CREBL2: variants seen among roughly 807,000 people sequenced by gnomAD.
CREBL2 encodes the protein cAMP responsive element binding protein like 2, also known as cAMP-responsive element-binding protein-like 2.
CREBL2 carries 4 observed loss-of-function variants against 19.5 expected under a neutral mutation model. The observed-to-expected ratio is 0.20, with a 90% CI of 0.10 to 0.47. The LOEUF is 0.47. Among genes scored for constraint, CREBL2 ranks in the 20% least tolerant of loss-of-function variants. CREBL2 has a pLI of 0.98. For missense variants in CREBL2, 85 were observed against 145.1 expected (o/e 0.59, Z 2.13); for synonymous variants, 42 against 46.6 (o/e 0.90, Z 0.40).
At chr12:12,634,412 A>G in intron 1 of CREBL2, among the ~76,000 whole-genome samples, 1 of 152,198 alleles carries the variant, frequency 6.6e-6, no homozygotes, top group East Asian at 1.9e-4. Context: ...CATCAGTGGG[A>G]GCAGGGAGAA....
chr12:12,624,162 G>A (rs1945382459), intron 1 of CREBL2, among the ~76,000 whole-genome samples: 1 of 152,212 alleles, frequency 6.6e-6, no homozygotes, highest in African/African-American at 2.4e-5. Flanking sequence ...AGTAAGTAGT[G>A]CTGAGCCAGA....
In CREBL2 at chr12:12,642,122, C is replaced by G; in HGVS notation, c.*124C>G. On this transcript the variant is annotated 3_prime_UTR_variant, in exon 4 of 4. Coordinates refer to ENST00000228865, the MANE Select transcript of CREBL2 (RefSeq NM_001310.4). ...CTGCTCAGTAGTCATCTCTGTAAAT[C>G]TGCAATTTCTACCAAAATGTGTGAT... The G allele has an allele frequency of 1.7e-6, 1 of 572,034 alleles. No homozygotes were observed. Among genetic ancestry groups the G allele is most frequent in the East Asian group, 3.2e-5 (1 of 31,592 alleles). The allele number at this position is 572,034 out of a possible 1,614,324, so 35.4% of individuals were successfully genotyped here.
At position 12,643,492 on chromosome 12, in the gene CREBL2, A is replaced by G. The variant is rs1945541589; in HGVS notation, c.*1494A>G. 1.3e-5 allele frequency: 2 copies of G among 152,590 alleles called. No homozygotes were observed. The highest frequency in any genetic ancestry group is 4.8e-5 in the African/African-American group (2 of 41,458). 9.5% of individuals were successfully genotyped at this position (152,590 alleles called of 1,614,324 possible). A position where few individuals can be genotyped will look rare whatever the true frequency, so the allele number is the denominator to read the frequency against. On this transcript the variant is annotated 3_prime_UTR_variant, in exon 4 of 4. Coordinates refer to ENST00000228865, the MANE Select transcript of CREBL2 (RefSeq NM_001310.4). ...TATTTTGTTCTGAACTGGCAGTTTA[A>G]GAGGAGATACCGTAGTCTAGATTGT...
intron 1 of CREBL2, among the ~76,000 whole-genome samples, chr12:12,613,784 A>G (rs1213717323): frequency 6.6e-6 from 1 of 152,136 alleles, no homozygotes; most frequent in Non-Finnish European, 1.5e-5. Context: ...CAACAATGCA[A>G]CAGAATGCGG....
intron 1 of CREBL2, among the ~76,000 whole-genome samples, chr12:12,617,049 G>C (rs1945316442): frequency 6.6e-6 from 1 of 152,142 alleles, no homozygotes. Flanking sequence ...AAATGAGTTT[G>C]CTGCGAGTTC....
At chr12:12,639,636 T>C (rs899051576) in intron 3 of CREBL2, among the ~76,000 whole-genome samples, 3 of 151,036 alleles carry the variant, frequency 2.0e-5, no homozygotes, top group Non-Finnish European at 4.4e-5. Flanking sequence ...TTAATTAGGT[T>C]GTTTTTGTTG....
intron 1 of CREBL2, chr12:12,614,467 CT>C (rs34307341): frequency 0.075 from 9,676 of 128,426 alleles, 462 homozygotes; most frequent in Admixed American, 0.16. Context: ...ATTTAGTTTC[CT>C]TTTTTTTTTT....
intron 1 of CREBL2, among the ~76,000 whole-genome samples, chr12:12,620,184 A>G (rs1318042694): frequency 2.6e-5 from 4 of 152,126 alleles, no homozygotes; most frequent in Non-Finnish European, 4.4e-5. Context: ...CATGTTGTCT[A>G]TTAAACAAAT....
At chr12:12,631,730 A>T (rs186052414) in intron 1 of CREBL2, among the ~76,000 whole-genome samples, 23 of 152,362 alleles carry the variant, frequency 1.5e-4, no homozygotes, top group Admixed American at 7.2e-4. Context: ...CTTATGAAAT[A>T]TATAAAGTTT....
At position 12,612,161 on chromosome 12, in the gene CREBL2, C is replaced by G. The variant is rs779498064; in HGVS notation, c.-12C>G. 2.5e-6 allele frequency: 4 copies of G among 1,612,458 alleles called. No individual in the cohort carries two copies. Among genetic ancestry groups the G allele is most frequent in the Non-Finnish European group, 3.4e-6 (4 of 1,180,028 alleles). ...GGAGGGAGTGCCTGGCCAGGCCGGC[C>G]TGTCTGCCGCGATGGATGACAGTAA... On this transcript the variant is annotated 5_prime_UTR_variant, in exon 1 of 4. Coordinates refer to ENST00000228865, the MANE Select transcript of CREBL2 (RefSeq NM_001310.4).
intron 3 of CREBL2, among the ~76,000 whole-genome samples, chr12:12,640,582 A>G (rs1370219910): frequency 2.0e-5 from 3 of 152,240 alleles, no homozygotes. Context: ...ATACATCCTC[A>G]GCTTACGAAG....
rs869253910 is a variant in CREBL2 at position 12,632,068 on chromosome 12, C to CTTTTTTTTTTTTTTT, written c.16-3696_16-3682dup. On this transcript the variant is annotated intron_variant, in intron 1 of 3. Coordinates refer to ENST00000228865, the MANE Select transcript of CREBL2 (RefSeq NM_001310.4). ...CCTTGGATTCATATACTATGCCTTT[C>CTTTTTTTTTTTTTTT]TTTTTTTTTTTTTTTTTTTTTTTTT... Among the ~76,000 whole-genome samples, 34 of 80,596 alleles carry CTTTTTTTTTTTTTTT rather than the reference C, an allele frequency of 4.2e-4. 4 individuals are homozygous for CTTTTTTTTTTTTTTT. Among genetic ancestry groups the CTTTTTTTTTTTTTTT allele is most frequent in the African/African-American group, 1.6e-3 (31 of 19,384 alleles). The allele number at this position is 80,596 out of a possible 152,430, so 52.9% of individuals were successfully genotyped here. A position where few individuals can be genotyped will look rare whatever the true frequency, so the allele number is the denominator to read the frequency against.
chr12:12,614,155 A>G (rs2136297791), intron 1 of CREBL2, among the ~76,000 whole-genome samples: 1 of 151,620 alleles, frequency 6.6e-6, no homozygotes, highest in Middle Eastern at 3.4e-3. Context: ...CACCACATCC[A>G]GCTAAATTTT....
intron 1 of CREBL2, among the ~76,000 whole-genome samples, chr12:12,625,468 G>A (rs1215708675): frequency 6.6e-6 from 1 of 152,200 alleles, no homozygotes; most frequent in East Asian, 1.9e-4. Flanking sequence ...TACATTAAAT[G>A]AATGACTGTA....
chr12:12,623,610 T>TA (rs1371361771), intron 1 of CREBL2, among the ~76,000 whole-genome samples: 1 of 152,058 alleles, frequency 6.6e-6, no homozygotes, highest in Non-Finnish European at 1.5e-5. Context: ...CTTGAGTTGA[T>TA]AGAGAGGGTG....
At position 12,641,249 on chromosome 12, in the gene CREBL2, TATTA is replaced by T. The variant is rs1360447102; in HGVS notation, c.359-744_359-741del. 3.4e-3 allele frequency among the ~76,000 whole-genome samples: 204 copies of T among 60,198 alleles called. 3 individuals carry two copies. Among genetic ancestry groups the T allele is most frequent in the African/African-American group, 7.7e-3 (138 of 17,948 alleles). The allele number at this position is 60,198 out of a possible 152,430, so 39.5% of individuals were successfully genotyped here. ...CCTTTATTATTATTATTATTATTAT[TATTA>T]TTTTTTTTTATTTTTTTTTTTTTTA... is the stretch of plus-strand genomic sequence containing the variant. On this transcript the variant is annotated intron_variant, in intron 3 of 3. Coordinates refer to ENST00000228865, the MANE Select transcript of CREBL2 (RefSeq NM_001310.4).
At chr12:12,624,468 C>A (rs1047601803) in intron 1 of CREBL2, among the ~76,000 whole-genome samples, 1 of 152,166 alleles carries the variant, frequency 6.6e-6, no homozygotes, top group African/African-American at 2.4e-5. Flanking sequence ...ACGGGACTCA[C>A]AACGGGTGCC....
intron 1 of CREBL2, among the ~76,000 whole-genome samples, chr12:12,626,441 C>T (rs1399643140): frequency 6.6e-6 from 1 of 152,206 alleles, no homozygotes; most frequent in African/African-American, 2.4e-5. Flanking sequence ...GACCCCTCCC[C>T]TCCAGAATAC....
chr12:12,625,176 C>T (rs1235780353), intron 1 of CREBL2, among the ~76,000 whole-genome samples: 1 of 152,158 alleles, frequency 6.6e-6, no homozygotes, highest in African/African-American at 2.4e-5. Context: ...TGTAAGTTCT[C>T]ATTTTGGGCC....
Sources: allele counts gnomAD v4.1 joint callset (sites outside exome capture counted in the v4.1 genomes callset), GRCh38; gene constraint gnomAD v4.1.1; transcripts MANE v1.5; gene names NCBI Gene and HGNC (gene_info 2026-07-23, HGNC 2026-07-21).